HERC2: variants seen among roughly 807,000 people sequenced by gnomAD.
HERC2 encodes the protein HECT and RLD domain containing E3 ubiquitin protein ligase 2, also known as E3 ubiquitin-protein ligase HERC2.
A neutral mutation model predicts 537.7 loss-of-function variants in HERC2; 102 were observed. The ratio of observed to expected loss-of-function variants is 0.19; its 90% CI spans 0.16 to 0.22. The LOEUF (loss-of-function observed/expected upper bound fraction) is 0.22, where lower values mean the gene tolerates loss of function less well. HERC2 is among the 10% of genes least tolerant of loss of function. The pLI is 1.00. For missense variants in HERC2, 4,236 were observed against 6,198.2 expected, an observed-to-expected ratio of 0.68 and a Z score of 10.63; for synonymous variants, 2,224 against 2,466.2, an observed-to-expected ratio of 0.90 and a Z score of 2.91.
intron 55 of HERC2, among the ~76,000 whole-genome samples, chr15:28,187,508 T>G (rs1006722165): frequency 6.6e-6 from 1 of 152,032 alleles, no homozygotes; most frequent in African/African-American, 2.4e-5. Flanking sequence ...ATTTTTTGTA[T>G]TTTTAGTAGA....
chr15:28,204,796 A>G (rs537923284), intron 45 of HERC2, among the ~76,000 whole-genome samples: 1 of 152,336 alleles, frequency 6.6e-6, no homozygotes, highest in South Asian at 2.1e-4. Flanking sequence ...TTGACCTTTC[A>G]AACAGATCAA....
intron 22 of HERC2, among the ~76,000 whole-genome samples, chr15:28,246,337 G>C (rs898204835): frequency 6.6e-6 from 1 of 151,962 alleles, no homozygotes; most frequent in Non-Finnish European, 1.5e-5. Context: ...AATGTTTATT[G>C]ATATGTTTAT....
intron 78 of HERC2, 149 bp from the exon 79 acceptor site, chr15:28,135,841 C>T (rs1245306021): frequency 2.6e-5 from 16 of 608,628 alleles, no homozygotes; most frequent in Non-Finnish European, 4.6e-5. Flanking sequence ...TAAGTTTATG[C>T]CTTTATACAT....
At chr15:28,295,290 C>T (rs2076431842) in intron 3 of HERC2, among the ~76,000 whole-genome samples, 1 of 103,408 alleles carries the variant, frequency 9.7e-6, no homozygotes, top group African/African-American at 4.0e-5. Flanking sequence ...AAAGGCCAGA[C>T]TCTGTCCTAC....
intron 83 of HERC2, among the ~76,000 whole-genome samples, chr15:28,128,519 AC>A (rs1354314128): frequency 1.3e-5 from 2 of 152,236 alleles, no homozygotes; most frequent in Non-Finnish European, 2.9e-5. Context: ...TCCTTCCACT[AC>A]AGGCCACAGA....
chr15:28,175,662 A>T lies in HERC2; in HGVS notation c.9687-6T>A. The T allele has an allele frequency of 6.2e-7, 1 of 1,614,098 alleles. No individual in the cohort carries two copies. The highest frequency in any genetic ancestry group is 8.5e-7 in the Non-Finnish European group (1 of 1,179,998). On this transcript the variant is annotated splice_region_variant and splice_polypyrimidine_tract_variant and intron_variant, in intron 63 of 92. Transcript: ENST00000261609. Reference sequence around the variant, plus strand: ...TGAAGTAATCCCCCTTTCCCCTGAGAGAAGGCCCATGGTGGAGAGTTACAA... The same window carrying T: ...TGAAGTAATCCCCCTTTCCCCTGAGTGAAGGCCCATGGTGGAGAGTTACAA...
At chr15:28,130,631 C>T (rs760436513) in intron 81 of HERC2, 37 bp from the exon 82 acceptor site, 1 of 1,408,162 alleles carries the variant, frequency 7.1e-7, no homozygotes, top group East Asian at 2.3e-5. Context: ...CAGACAGCAA[C>T]AAGGCTCCTG....
At chr15:28,143,066 C>CG (rs369973177) in intron 74 of HERC2, 114 bp from the exon 75 acceptor site, 14 of 827,586 alleles carry the variant, frequency 1.7e-5, no homozygotes, top group African/African-American at 1.3e-4. Context: ...TCTAAAAAAA[C>CG]TAAAAAAAAA....
intron 55 of HERC2, among the ~76,000 whole-genome samples, chr15:28,188,469 G>A (rs1044755220): frequency 1.3e-5 from 2 of 151,860 alleles, no homozygotes; most frequent in African/African-American, 2.4e-5. Context: ...GAGTGAACCC[G>A]GGAGATAGAG....
In HERC2 at chr15:28,167,685, A is replaced by C; in HGVS notation, c.10554+2T>G. 1 of 1,613,962 alleles carries C rather than the reference A, an allele frequency of 6.2e-7. No individual in the cohort carries two copies. The highest frequency in any genetic ancestry group is 8.5e-7 in the Non-Finnish European group (1 of 1,179,978). ...CAAAGTTAAAGAAGAACGCCTCTTC[A>C]CCTCTTTGGTTTTGGTCATGGTTTC... On this transcript the variant is annotated splice_donor_variant, in intron 68 of 92. Coordinates refer to ENST00000261609, the MANE Select transcript of HERC2 (RefSeq NM_004667.6). LOFTEE classifies it high-confidence loss of function.
chr15:28,246,777 G>T lies in HERC2; in HGVS notation c.3356C>A (p.Ala1119Glu), dbSNP rs761677571. Residue 1119 changes from alanine (A) to glutamate (E), a missense_variant, in exon 22 of 93, where the codon GCG becomes GAG. Coordinates refer to ENST00000261609, the MANE Select transcript of HERC2 (RefSeq NM_004667.6). ...CCCTTCCACAATGTAAGCCACCTCC[G>T]CGAAGTGCCGCCAGCTGGTAGAAGC... ...SIASTSWRHF[A>E]EVAYIVEGDF... 1.2e-6 allele frequency: 2 copies of T among 1,604,780 alleles called. No individual in the cohort carries two copies. Among genetic ancestry groups the T allele is most frequent in the Admixed American group, 1.7e-5 (1 of 58,128 alleles).
intron 57 of HERC2, among the ~76,000 whole-genome samples, chr15:28,179,730 G>C (rs191144009): frequency 3.9e-5 from 6 of 152,340 alleles, no homozygotes; most frequent in African/African-American, 9.6e-5. Context: ...GGGTGAAAGA[G>C]AGCAACACTA....
At chr15:28,307,997 T>G (rs2076838607) in intron 2 of HERC2, among the ~76,000 whole-genome samples, 1 of 152,204 alleles carries the variant, frequency 6.6e-6, no homozygotes, top group Non-Finnish European at 1.5e-5. Context: ...TCCTCCAGTT[T>G]GTTTCTTTTC....
Position 28,124,109 on chromosome 15 carries a change from C to T in HERC2, c.13116G>A (p.Ser4372=), listed in dbSNP as rs111263444. The part of the protein sequence containing the change: ...PCIPMFDLEG[S]LDETGLGPSV... ...AAGGCCCGAGTCCAGTTTCGTCGAG[C>T]GAGCCTTCCAGGTCGAACATGGGGA... The change falls in exon 85 of 93, where the codon TCG becomes TCA. Residue 4372 remains serine (S), a synonymous_variant. Transcript: ENST00000261609. 5.8e-5 allele frequency: 94 copies of T among 1,607,070 alleles called. 1 individual carries two copies. In the African/African-American group the frequency reaches 7.6e-4, roughly 13 times the overall value.
chr15:28,276,192 C>CAAAAAAAAAAAAAA (rs11359639), intron 5 of HERC2, among the ~76,000 whole-genome samples: 8 of 70,104 alleles, frequency 1.1e-4, no homozygotes, highest in African/African-American at 1.5e-4. Context: ...TCTCAAAAAA[C>CAAAAAAAAAAAAAA]AAAAAAAAAA....
At chr15:28,231,581 G>T (rs112285115) in intron 30 of HERC2, among the ~76,000 whole-genome samples, 6 of 152,142 alleles carry the variant, frequency 3.9e-5, no homozygotes, top group Admixed American at 6.5e-5. Context: ...GTTGCTGGGA[G>T]AGCTAAGCAC....
At chr15:28,258,551 T>A (rs899428052) in intron 16 of HERC2, among the ~76,000 whole-genome samples, 6 of 152,102 alleles carry the variant, frequency 3.9e-5, no homozygotes, top group African/African-American at 1.4e-4. Context: ...TGAACATACA[T>A]GAAAATGCGC....
intron 70 of HERC2, among the ~76,000 whole-genome samples, chr15:28,149,700 T>C (rs552530209): frequency 1.3e-5 from 2 of 149,088 alleles, no homozygotes; most frequent in Admixed American, 6.7e-5. Flanking sequence ...TCACTTAGAA[T>C]GGCCACATGA....
In HERC2 at chr15:28,214,657, C is replaced by A. The variant is rs1415662033; in HGVS notation, c.6356G>T (p.Arg2119Ile). Reference sequence around the variant, plus strand: ...AGGGAAGGTAGACGGCCACCCACCTCTGAGTAATGGCACGTCAGAGGAGCA... The same window carrying A: ...AGGGAAGGTAGACGGCCACCCACCTATGAGTAATGGCACGTCAGAGGAGCA... ...TTCSSDVPLL[R>I]ESTLRRRRVR... The change falls in exon 40 of 93, where the codon AGA becomes ATA. Residue 2119 changes from arginine to isoleucine, a missense_variant and splice_region_variant. Arg to Ile is a moderately conservative substitution (Grantham distance 97). This residue lies in a region of HERC2 where 365 missense variants were observed against 468.8 expected (regional missense o/e 0.78). Coordinates refer to ENST00000261609, the MANE Select transcript of HERC2 (RefSeq NM_004667.6). The A allele has an allele frequency of 6.2e-7, 1 of 1,611,992 alleles. No homozygotes were observed. Among genetic ancestry groups the A allele is most frequent in the East Asian group, 2.2e-5 (1 of 44,866 alleles).
Sources: gnomAD v4.1 joint callset for allele counts (sites outside exome capture counted in the v4.1 genomes callset) on GRCh38, gnomAD v4.1.1 for gene constraint, gnomAD v4.1.1 regional missense constraint, MANE v1.5 for transcripts, NCBI Gene and HGNC (gene_info 2026-07-23, HGNC 2026-07-21) for gene names.